CTNNBL1: variants seen among roughly 807,000 people sequenced by gnomAD.
The protein encoded by CTNNBL1 is beta-catenin-like protein 1.
CTNNBL1 carries 31 observed loss-of-function variants against 72.7 expected under a neutral mutation model. The observed-to-expected ratio is 0.43, with a 90% CI of 0.32 to 0.58. The LOEUF (loss-of-function observed/expected upper bound fraction) is 0.58. Among genes scored for constraint, CTNNBL1 ranks in the 20% least tolerant of loss-of-function variants. CTNNBL1 has a pLI of 0.08. For synonymous variants in CTNNBL1, 240 were observed against 267.3 expected, an observed-to-expected ratio of 0.90 and a Z score of 1.00; for missense variants, 534 against 725.1, an observed-to-expected ratio of 0.74 and a Z score of 3.03.
At chr20:37,755,601 A>G (rs1021940531) in intron 4 of CTNNBL1, among the ~76,000 whole-genome samples, 1 of 152,244 alleles carries the variant, frequency 6.6e-6, no homozygotes, top group Non-Finnish European at 1.5e-5. Flanking sequence ...GTTAGAGATG[A>G]GTAAAGCAAA....
At chr20:37,816,333 C>T (rs937249637) in intron 11 of CTNNBL1, among the ~76,000 whole-genome samples, 14 of 152,096 alleles carry the variant, frequency 9.2e-5, no homozygotes, top group African/African-American at 2.7e-4. Context: ...GATTTTCTGA[C>T]GCTGAACATC....
chr20:37,699,051 C>CA (rs1396682873), intron 1 of CTNNBL1, among the ~76,000 whole-genome samples: 1 of 151,900 alleles, frequency 6.6e-6, no homozygotes, highest in Non-Finnish European at 1.5e-5. Context: ...GTCTCAAAAA[C>CA]AAAAAACAAA....
At chr20:37,783,345 TTTTG>T (rs1418040078) in intron 10 of CTNNBL1, among the ~76,000 whole-genome samples, 1 of 152,182 alleles carries the variant, frequency 6.6e-6, no homozygotes, top group African/African-American at 2.4e-5. Context: ...TTTTATCTTT[TTTTG>T]TTTGTTTCAT....
chr20:37,797,506 A>G (rs1391032335), intron 10 of CTNNBL1, among the ~76,000 whole-genome samples: 3 of 152,012 alleles, frequency 2.0e-5, no homozygotes, highest in Non-Finnish European at 2.9e-5. Context: ...TACTCACACC[A>G]TGGATTAATT....
In CTNNBL1 at chr20:37,786,624, C is replaced by A. The variant is rs238308; in HGVS notation, c.1031+7289C>A. Among the ~76,000 whole-genome samples, 5 of 151,786 alleles carry A rather than the reference C, an allele frequency of 3.3e-5. No homozygotes were observed. In the South Asian group the frequency reaches 1.0e-3, roughly 32 times the overall value. On this transcript the variant is annotated intron_variant, in intron 10 of 15. Transcript: ENST00000361383. ...ATTTGTATATATATGGTCTACAATG[C>A]TTGTAGCATTTTGTATATTTGTATA...
At chr20:37,805,014 G>A (rs1365536817) in intron 11 of CTNNBL1, among the ~76,000 whole-genome samples, 7 of 152,236 alleles carry the variant, frequency 4.6e-5, no homozygotes, top group Admixed American at 4.6e-4. Flanking sequence ...GAACTCCAAG[G>A]AGAAAGCACA....
chr20:37,867,959 C>T (rs537558907), intron 15 of CTNNBL1, among the ~76,000 whole-genome samples: 7 of 152,286 alleles, frequency 4.6e-5, no homozygotes, highest in Middle Eastern at 3.4e-3. Context: ...AGTACTAGGC[C>T]GGGTCGTCGG....
At chr20:37,779,479 G>A (rs1055796135) in intron 10 of CTNNBL1, 144 bp downstream of exon 10, 12 of 865,146 alleles carry the variant, frequency 1.4e-5, no homozygotes, top group African/African-American at 5.1e-5. Flanking sequence ...CAGGCATGGG[G>A]GGATGTGTTT....
chr20:37,776,135 T>C (rs2073571463), intron 7 of CTNNBL1, among the ~76,000 whole-genome samples: 1 of 152,208 alleles, frequency 6.6e-6, no homozygotes, highest in African/African-American at 2.4e-5. Flanking sequence ...ATGCTGAATT[T>C]CTTGAAACAA....
chr20:37,718,585 G>A (rs1367655530), intron 1 of CTNNBL1, among the ~76,000 whole-genome samples: 1 of 151,540 alleles, frequency 6.6e-6, no homozygotes, highest in Non-Finnish European at 1.5e-5. Flanking sequence ...GGCCGGGCGG[G>A]GGGCTGACCC....
chr20:37,754,616 G>A (rs1204799778), intron 4 of CTNNBL1, among the ~76,000 whole-genome samples: 1 of 151,952 alleles, frequency 6.6e-6, no homozygotes, highest in Non-Finnish European at 1.5e-5. Flanking sequence ...ACTAATTTAT[G>A]GTGGAATTAA....
intron 1 of CTNNBL1, among the ~76,000 whole-genome samples, chr20:37,718,592 A>AC (rs1205264687): frequency 4.4e-4 from 44 of 100,532 alleles, no homozygotes; most frequent in South Asian, 7.0e-4. Context: ...CGGGGGGCTG[A>AC]CCCCCCCCAC....
At chr20:37,767,645 A>G (rs1208523642) in intron 6 of CTNNBL1, among the ~76,000 whole-genome samples, 2 of 152,068 alleles carry the variant, frequency 1.3e-5, no homozygotes, top group South Asian at 2.1e-4. Flanking sequence ...ACTGGGTGGG[A>G]CTTCTTAGGT....
chr20:37,825,629 C>G (rs541425136), intron 11 of CTNNBL1, among the ~76,000 whole-genome samples: 2 of 152,084 alleles, frequency 1.3e-5, no homozygotes, highest in Non-Finnish European at 2.9e-5. Context: ...GAGCCGAGAT[C>G]GTGCCATTGC....
At chr20:37,813,350 A>G (rs181136405) in intron 11 of CTNNBL1, among the ~76,000 whole-genome samples, 1 of 152,346 alleles carries the variant, frequency 6.6e-6, no homozygotes, top group East Asian at 1.9e-4. Flanking sequence ...GTACCTAGTA[A>G]GTATTCATTA....
intron 10 of CTNNBL1, among the ~76,000 whole-genome samples, chr20:37,792,714 G>A (rs1029078907): frequency 1.3e-5 from 2 of 152,072 alleles, no homozygotes; most frequent in South Asian, 2.1e-4. Flanking sequence ...CAAGCATTTC[G>A]AAGGGATACT....
intron 3 of CTNNBL1, among the ~76,000 whole-genome samples, chr20:37,738,982 T>C (rs900395103): frequency 7.2e-5 from 11 of 152,286 alleles, no homozygotes; most frequent in Admixed American, 2.0e-4. Flanking sequence ...CACAGCCCTC[T>C]TTGATAGTAG....
At chr20:37,807,855 ATTGTCTCC>A (rs1177957638) in intron 11 of CTNNBL1, among the ~76,000 whole-genome samples, 2 of 152,160 alleles carry the variant, frequency 1.3e-5, no homozygotes, top group Non-Finnish European at 2.9e-5. Context: ...CACAGTATAT[ATTGTCTCC>A]TTGGTATTAA....
At chr20:37,765,993 A>G (rs530526660) in intron 6 of CTNNBL1, among the ~76,000 whole-genome samples, 42 of 152,308 alleles carry the variant, frequency 2.8e-4, no homozygotes, top group Non-Finnish European at 5.7e-4. Context: ...ATATCTGTAA[A>G]CAGAGCTTGA....
Sources: allele counts gnomAD v4.1 joint callset (sites outside exome capture counted in the v4.1 genomes callset), GRCh38; gene constraint gnomAD v4.1.1; transcripts MANE v1.5; gene names NCBI Gene and HGNC (gene_info 2026-07-23, HGNC 2026-07-21).